ETV6: variants seen among roughly 807,000 people sequenced by gnomAD.
ETV6 encodes ETS variant transcription factor 6.
In ETV6, 16 loss-of-function variants were observed where a neutral mutation model predicts 51.1. The observed-to-expected ratio is 0.31, with a 90% confidence interval of 0.21 to 0.48. ETV6 has a LOEUF of 0.48. Among genes scored for constraint, ETV6 ranks in the 20% least tolerant of loss-of-function variants. The pLI is 0.99. For synonymous variants in ETV6, 240 were observed against 224.1 expected (o/e 1.07, Z -0.64); for missense variants, 458 against 594.8 (o/e 0.77, Z 2.39).
At chr12:11,758,746 C>T (rs764840489) in intron 2 of ETV6, among the ~76,000 whole-genome samples, 2 of 152,190 alleles carry the variant, frequency 1.3e-5, no homozygotes, top group Non-Finnish European at 2.9e-5. Context: ...CTGCCTGTGA[C>T]GTGCAGTGAT....
intron 3 of ETV6, among the ~76,000 whole-genome samples, chr12:11,846,653 C>T (rs372767755): frequency 2.6e-5 from 4 of 151,750 alleles, no homozygotes; most frequent in African/African-American, 9.7e-5. Flanking sequence ...TAGTTAAAAA[C>T]TGGAAATTCC....
chr12:11,703,520 A>T (rs1865021106), intron 1 of ETV6, among the ~76,000 whole-genome samples: 1 of 152,148 alleles, frequency 6.6e-6, no homozygotes, highest in African/African-American at 2.4e-5. Context: ...CAATGAAATG[A>T]TACCAAGAAG....
chr12:11,746,810 TTTTA>T (rs67769521), intron 1 of ETV6, among the ~76,000 whole-genome samples: 69 of 125,668 alleles, frequency 5.5e-4, no homozygotes, highest in Non-Finnish European at 9.1e-4. Context: ...TTTTTTTTTT[TTTTA>T]ATCTCACTAT....
At chr12:11,719,584 G>A (rs1865343488) in intron 1 of ETV6, among the ~76,000 whole-genome samples, 1 of 152,250 alleles carries the variant, frequency 6.6e-6, no homozygotes, top group Non-Finnish European at 1.5e-5. Context: ...ACAGGGCTCT[G>A]AATAAAGATG....
At chr12:11,868,938 C>G (rs1329380181) in intron 4 of ETV6, among the ~76,000 whole-genome samples, 2 of 151,978 alleles carry the variant, frequency 1.3e-5, no homozygotes, top group Non-Finnish European at 2.9e-5. Context: ...AAAATAGTTT[C>G]AATATGCACA....
chr12:11,688,695 A>G (rs1864685310), intron 1 of ETV6, among the ~76,000 whole-genome samples: 1 of 152,190 alleles, frequency 6.6e-6, no homozygotes, highest in Non-Finnish European at 1.5e-5. Context: ...GGGCAACCGT[A>G]GAAACCCCAG....
At chr12:11,829,578 G>C (rs1332220429) in intron 2 of ETV6, among the ~76,000 whole-genome samples, 4 of 152,200 alleles carry the variant, frequency 2.6e-5, no homozygotes, top group Admixed American at 2.6e-4. Flanking sequence ...ACGTTTGTGA[G>C]GCTGAGCGGC....
Position 11,894,432 on chromosome 12 carries a change from G to A in ETV6, c.*3386G>A. 1 of 233,198 alleles carries A rather than the reference G, an allele frequency of 4.3e-6. No individual in the cohort carries two copies. Among genetic ancestry groups the A allele is most frequent in the Non-Finnish European group, 8.5e-6 (1 of 118,010 alleles). The allele number at this position is 233,198 out of a possible 1,614,324, so 14.4% of individuals were successfully genotyped here. ...ACATGAACTCTAAGATCTTGACCCA[G>A]GGCGACTTGGTTTTGCTTAAGGTGG... is the stretch of plus-strand genomic sequence containing the variant. On this transcript the variant is annotated 3_prime_UTR_variant, in exon 8 of 8. Coordinates refer to ENST00000396373, the MANE Select transcript of ETV6 (RefSeq NM_001987.5).
intron 6 of ETV6, 81 bp from the exon 7 acceptor site, chr12:11,885,845 T>C: frequency 1.0e-6 from 1 of 991,158 alleles, no homozygotes; most frequent in South Asian, 1.4e-5. Flanking sequence ...TTTATTTTAA[T>C]AGCTCCCGCA....
intron 3 of ETV6, among the ~76,000 whole-genome samples, chr12:11,844,117 A>C (rs1175049704): frequency 1.3e-5 from 2 of 152,046 alleles, no homozygotes; most frequent in African/African-American, 4.8e-5. Flanking sequence ...CATTGACAGG[A>C]GGGAACAGAC....
chr12:11,758,881 T>C (rs1945042286), intron 2 of ETV6, among the ~76,000 whole-genome samples: 1 of 152,228 alleles, frequency 6.6e-6, no homozygotes, highest in South Asian at 2.1e-4. Context: ...TGTTCCCCCT[T>C]AAGCCTTCTT....
At chr12:11,744,290 G>A (rs1865868270) in intron 1 of ETV6, among the ~76,000 whole-genome samples, 1 of 152,202 alleles carries the variant, frequency 6.6e-6, no homozygotes, top group Non-Finnish European at 1.5e-5. Flanking sequence ...ACCATTAAAG[G>A]GAATAGCATT....
chr12:11,843,473 C>G (rs1369966121), intron 3 of ETV6, among the ~76,000 whole-genome samples: 1 of 152,182 alleles, frequency 6.6e-6, no homozygotes, highest in South Asian at 2.1e-4. Flanking sequence ...CCACAAAATG[C>G]AGTTCTCACC....
intron 2 of ETV6, among the ~76,000 whole-genome samples, chr12:11,790,094 G>A (rs986825403): frequency 1.9e-4 from 12 of 61,974 alleles, no homozygotes; most frequent in Non-Finnish European, 3.9e-4. Flanking sequence ...TTTTTTGTCA[G>A]CACTTCTTTT....
At chr12:11,865,214 G>A (rs1425292308) in intron 4 of ETV6, among the ~76,000 whole-genome samples, 1 of 143,776 alleles carries the variant, frequency 7.0e-6, no homozygotes, top group African/African-American at 2.6e-5. Flanking sequence ...TCACGCCACT[G>A]CACTCCAGCC....
At chr12:11,827,054 T>C (rs1287883956) in intron 2 of ETV6, among the ~76,000 whole-genome samples, 2 of 142,806 alleles carry the variant, frequency 1.4e-5, no homozygotes, top group East Asian at 4.1e-4. Context: ...TAGAATAGAA[T>C]AGAGAGAAGT....
Position 11,744,872 on chromosome 12 carries a change from C to CTTACTATCCATG in ETV6, c.34-7574_34-7563dup, listed in dbSNP as rs1195495488. ...CAAGGAATCACAGTTTTACTTTCCGCTTACTATCCATGTTAGAAATATCTA... is the reference window on the plus strand; with the variant it reads ...CAAGGAATCACAGTTTTACTTTCCGCTTACTATCCATGTTACTATCCATGTTAGAAATATCTA... On this transcript the variant is annotated intron_variant, in intron 1 of 7. Coordinates refer to ENST00000396373, the MANE Select transcript of ETV6 (RefSeq NM_001987.5). 1.3e-4 allele frequency among the ~76,000 whole-genome samples: 19 copies of CTTACTATCCATG among 151,020 alleles called. No homozygotes were observed. The South Asian group carries it at 4.0e-3, about 32-fold the overall frequency.
chr12:11,834,203 A>G (rs1177895674), intron 2 of ETV6, among the ~76,000 whole-genome samples: 1 of 152,182 alleles, frequency 6.6e-6, no homozygotes, highest in Non-Finnish European at 1.5e-5. Flanking sequence ...GAGGGTTACA[A>G]AATTGGTGTG....
chr12:11,666,668 C>A (rs1326654253), intron 1 of ETV6, among the ~76,000 whole-genome samples: 1 of 152,154 alleles, frequency 6.6e-6, no homozygotes, highest in Admixed American at 6.5e-5. Flanking sequence ...ATTTCTGTTG[C>A]CATTGAGGTA....
Sources: gnomAD v4.1 joint callset for allele counts (sites outside exome capture counted in the v4.1 genomes callset) on GRCh38, gnomAD v4.1.1 for gene constraint, MANE v1.5 for transcripts, NCBI Gene and HGNC (gene_info 2026-07-23, HGNC 2026-07-21) for gene names.